SORCS2: variants seen among roughly 807,000 people sequenced by gnomAD.
SORCS2 encodes the protein sortilin related VPS10 domain containing receptor 2.
In SORCS2, 100 loss-of-function variants were observed where a neutral mutation model predicts 141.6. The ratio of observed to expected loss-of-function variants is 0.71; its 90% CI spans 0.60 to 0.83. The LOEUF (loss-of-function observed/expected upper bound fraction) is 0.83, where lower values mean the gene tolerates loss of function less well. Among genes scored for constraint, SORCS2 ranks in the 40% least tolerant of loss-of-function variants. The pLI is 0.00. For synonymous variants in SORCS2, 789 were observed against 676.9 expected (o/e 1.17, Z -2.57); for missense variants, 1,646 against 1,560.2 (o/e 1.05, Z -0.93).
At chr4:7,620,028 C>CTCCTCCTTCCTCT (rs1560431423) in intron 3 of SORCS2, among the ~76,000 whole-genome samples, 4 of 150,346 alleles carry the variant, frequency 2.7e-5, no homozygotes, top group Non-Finnish European at 4.4e-5. Flanking sequence ...CTTCCTCCTC[C>CTCCTCCTTCCTCT]TCCTCCTTCC....
At chr4:7,387,600 A>ATGCACATAC (rs1723484330) in intron 1 of SORCS2, among the ~76,000 whole-genome samples, 10 of 96,960 alleles carry the variant, frequency 1.0e-4, no homozygotes, top group Middle Eastern at 0.014. Context: ...TACACAGAGA[A>ATGCACATAC]ACGCACATGC....
Position 7,387,657 on chromosome 4 carries a change from C to A in SORCS2, c.481-8631C>A, listed in dbSNP as rs1468859379. The stretch of plus-strand genomic sequence containing the variant: ...CACGCACACACATGCCCACCATACA[C>A]ATGCACACATGCACACACATACAGG... On this transcript the variant is annotated intron_variant, in intron 1 of 26. Coordinates refer to ENST00000507866, the MANE Select transcript of SORCS2 (RefSeq NM_020777.3). 2.2e-5 allele frequency among the ~76,000 whole-genome samples: 3 copies of A among 136,786 alleles called. No individual in the cohort carries two copies. The East Asian group carries it at 7.4e-4, about 34-fold the overall frequency. 89.7% of individuals were successfully genotyped at this position (136,786 alleles called of 152,430 possible).
chr4:7,322,285 G>C (rs1718943942), intron 1 of SORCS2, among the ~76,000 whole-genome samples: 1 of 152,166 alleles, frequency 6.6e-6, no homozygotes, highest in Non-Finnish European at 1.5e-5. Flanking sequence ...GAGGATGAAG[G>C]AGGAGCCTCG....
intron 11 of SORCS2, 106 bp from the exon 12 acceptor site, chr4:7,697,092 C>T (rs954257725): frequency 2.2e-5 from 20 of 915,216 alleles, no homozygotes; most frequent in East Asian, 1.3e-4. Flanking sequence ...TATGGAGACC[C>T]GGGGCACTGG....
intron 1 of SORCS2, among the ~76,000 whole-genome samples, chr4:7,362,512 A>C (rs961497963): frequency 1.3e-5 from 2 of 152,090 alleles, no homozygotes; most frequent in Admixed American, 1.3e-4. Flanking sequence ...TGTGCTCAAC[A>C]CCCATCTGGC....
chr4:7,525,668 C>T (rs555111328), intron 2 of SORCS2, among the ~76,000 whole-genome samples: 4 of 152,106 alleles, frequency 2.6e-5, no homozygotes, highest in Non-Finnish European at 5.9e-5. Flanking sequence ...TCCTCAGTCA[C>T]CTGTCCCCAA....
chr4:7,726,636 C>A, intron 20 of SORCS2, 144 bp from the exon 21 acceptor site: 1 of 1,064,314 alleles, frequency 9.4e-7, no homozygotes, highest in Non-Finnish European at 1.3e-6. Context: ...GGTGCTGCCA[C>A]CACAGGATGT....
intron 3 of SORCS2, among the ~76,000 whole-genome samples, chr4:7,570,727 G>C (rs1024972601): frequency 6.6e-6 from 1 of 152,138 alleles, no homozygotes; most frequent in African/African-American, 2.4e-5. Flanking sequence ...GCCATGTCCT[G>C]TCAGCAAGCC....
At chr4:7,522,187 TC>T (rs995008570) in intron 2 of SORCS2, among the ~76,000 whole-genome samples, 1 of 152,144 alleles carries the variant, frequency 6.6e-6, no homozygotes, top group Non-Finnish European at 1.5e-5. Flanking sequence ...GCGTGTGACT[TC>T]CGTGTTCGCA....
intron 12 of SORCS2, among the ~76,000 whole-genome samples, chr4:7,699,651 C>T (rs902623298): frequency 1.2e-4 from 18 of 152,196 alleles, no homozygotes; most frequent in African/African-American, 3.6e-4. Flanking sequence ...GCTGCAGCCA[C>T]GCCCTCAAAG....
At chr4:7,615,506 C>A (rs780783225) in intron 3 of SORCS2, among the ~76,000 whole-genome samples, 1 of 152,130 alleles carries the variant, frequency 6.6e-6, no homozygotes, top group African/African-American at 2.4e-5. Context: ...ACTGTTGCAC[C>A]CTGGGGTGAT....
chr4:7,517,290 G>T (rs151244383), intron 2 of SORCS2, among the ~76,000 whole-genome samples: 2 of 152,100 alleles, frequency 1.3e-5, no homozygotes, highest in African/African-American at 2.4e-5. Flanking sequence ...ACAATCGCAC[G>T]ACTCGAAGCA....
Position 7,227,456 on chromosome 4 carries a change from G to A in SORCS2, c.480+34330G>A, listed in dbSNP as rs573974302. 3.3e-5 allele frequency among the ~76,000 whole-genome samples: 5 copies of A among 152,284 alleles called. No homozygotes were observed. In the East Asian group the frequency reaches 5.8e-4, roughly 18 times the overall value. On this transcript the variant is annotated intron_variant, in intron 1 of 26. Coordinates refer to ENST00000507866, the MANE Select transcript of SORCS2 (RefSeq NM_020777.3). ...CCAGAGCAGACGTAGCCCTCATCAC[G>A]TCCTCCACAGCCTCCACAGCAGCCT...
At chr4:7,599,873 G>C (rs1393069839) in intron 3 of SORCS2, among the ~76,000 whole-genome samples, 1 of 150,898 alleles carries the variant, frequency 6.6e-6, no homozygotes, top group African/African-American at 2.4e-5. Context: ...ACCCAGGCTA[G>C]AGTGAAGTAG....
At chr4:7,582,788 C>T (rs1716248337) in intron 3 of SORCS2, among the ~76,000 whole-genome samples, 1 of 152,204 alleles carries the variant, frequency 6.6e-6, no homozygotes, top group African/African-American at 2.4e-5. Context: ...TTGAATGCCT[C>T]CTTCCACCTG....
chr4:7,622,881 C>G (rs753665445), intron 3 of SORCS2, among the ~76,000 whole-genome samples: 19 of 152,086 alleles, frequency 1.2e-4, no homozygotes, highest in Non-Finnish European at 4.4e-5. Flanking sequence ...AACAGACACT[C>G]ATTTTTCCTG....
intron 2 of SORCS2, among the ~76,000 whole-genome samples, chr4:7,422,138 G>A (rs1301153914): frequency 3.9e-5 from 6 of 152,286 alleles, no homozygotes; most frequent in South Asian, 2.1e-4. Context: ...CCCACCTAAC[G>A]TGGTCAGACA....
At chr4:7,734,456 T>A in intron 25 of SORCS2, 82 bp downstream of exon 25, 1 of 981,240 alleles carries the variant, frequency 1.0e-6, no homozygotes, top group Non-Finnish European at 1.5e-6. Flanking sequence ...CAGGCAGATC[T>A]AGAAAGGGCC....
At chr4:7,534,943 G>A (rs1711992681) in intron 3 of SORCS2, among the ~76,000 whole-genome samples, 1 of 152,218 alleles carries the variant, frequency 6.6e-6, no homozygotes, top group South Asian at 2.1e-4. Flanking sequence ...GCTGGGAGTA[G>A]GGAGGCCGAG....
Sources: allele counts gnomAD v4.1 joint callset (sites outside exome capture counted in the v4.1 genomes callset), GRCh38; gene constraint gnomAD v4.1.1; transcripts MANE v1.5; gene names NCBI Gene and HGNC (gene_info 2026-07-23, HGNC 2026-07-21).